PLCG2: variants seen among roughly 807,000 people sequenced by gnomAD.
PLCG2 encodes 1-phosphatidylinositol 4,5-bisphosphate phosphodiesterase gamma-2.
A neutral mutation model predicts 175.6 loss-of-function variants in PLCG2; 69 were observed. That is an observed-to-expected ratio of 0.39 (90% CI 0.32 to 0.48). The LOEUF (loss-of-function observed/expected upper bound fraction) is 0.48, where lower values mean the gene tolerates loss of function less well. Ranked by LOEUF, PLCG2 falls within the 20% of genes least tolerant of loss-of-function variation. The pLI, the probability that PLCG2 is intolerant of heterozygous loss-of-function variation, is 0.91. For missense variants in PLCG2, 1,798 were observed against 1,650.9 expected (o/e 1.09, Z -1.54); for synonymous variants, 827 against 624.0 (o/e 1.33, Z -4.85).
intron 2 of PLCG2, among the ~76,000 whole-genome samples, chr16:81,763,899 G>A (rs956091913): frequency 7.9e-5 from 12 of 152,092 alleles, no homozygotes; most frequent in Non-Finnish European, 1.3e-4. Flanking sequence ...CCCAGGAGTC[G>A]GAGGTTTCAG....
rs576113221 is a variant in PLCG2 at position 81,891,716 on chromosome 16, C to T, written c.986+126C>T. 4 of 617,796 alleles carry T rather than the reference C, an allele frequency of 6.5e-6. No individual in the cohort carries two copies. The East Asian group carries it at 8.3e-5, about 13-fold the overall frequency. The allele number at this position is 617,796 out of a possible 1,614,324, so 38.3% of individuals were successfully genotyped here. The stretch of plus-strand genomic sequence containing the variant: ...AGGTGGAGGGTGTAGCACCGCATTC[C>T]TTGGACTAAAATACACAGAAGCTTC... On this transcript the variant is annotated intron_variant, in intron 11 of 32. Transcript: ENST00000564138.
intron 15 of PLCG2, among the ~76,000 whole-genome samples, chr16:81,907,026 G>T: frequency 9.1e-6 from 1 of 109,762 alleles, no homozygotes; most frequent in African/African-American, 3.8e-5. Context: ...GAGAGAGACA[G>T]ACTCTGTCTC....
intron 31 of PLCG2, among the ~76,000 whole-genome samples, chr16:81,955,075 C>G (rs1422653880): frequency 6.6e-6 from 1 of 152,188 alleles, no homozygotes; most frequent in Non-Finnish European, 1.5e-5. Flanking sequence ...TCATTACTGA[C>G]TCTTCCCAAT....
chr16:81,936,408 C>T (rs766822571), intron 27 of PLCG2, 30 bp downstream of exon 27: 42 of 1,592,908 alleles, frequency 2.6e-5, no homozygotes, highest in Non-Finnish European at 3.5e-5. Flanking sequence ...AGTCCCGTCC[C>T]TGCAAGGTGG....
At chr16:81,827,411 A>G (rs1905089611) in intron 2 of PLCG2, among the ~76,000 whole-genome samples, 2 of 151,266 alleles carry the variant, frequency 1.3e-5, no homozygotes, top group African/African-American at 2.4e-5. Flanking sequence ...CTGATCTCGA[A>G]CTCCTAGGCT....
At chr16:81,783,844 C>T (rs1260146173) in intron 1 of PLCG2, among the ~76,000 whole-genome samples, 1 of 151,842 alleles carries the variant, frequency 6.6e-6, no homozygotes, top group Non-Finnish European at 1.5e-5. Flanking sequence ...TTTTTTTTAG[C>T]ATACTCTGTT....
At chr16:81,840,370 C>T (rs1905757137) in intron 2 of PLCG2, among the ~76,000 whole-genome samples, 1 of 152,052 alleles carries the variant, frequency 6.6e-6, no homozygotes, top group African/African-American at 2.4e-5. Flanking sequence ...GCCAGATTGG[C>T]CTGGGGGGAT....
chr16:81,771,453 ACTCTTGCTCATCC>A (rs1567455145), intron 2 of PLCG2, among the ~76,000 whole-genome samples: 1 of 152,172 alleles, frequency 6.6e-6, no homozygotes, highest in African/African-American at 2.4e-5. Flanking sequence ...CTGTTGGAGA[ACTCTTGCTCATCC>A]CTCAGGACCC....
At chr16:81,847,819 A>G (rs1208496860) in intron 2 of PLCG2, among the ~76,000 whole-genome samples, 2 of 152,234 alleles carry the variant, frequency 1.3e-5, no homozygotes, top group African/African-American at 2.4e-5. Context: ...AGGGATGTGC[A>G]TAGGCTGTAT....
At chr16:81,782,365 A>C (rs891845559) in intron 1 of PLCG2, among the ~76,000 whole-genome samples, 10 of 152,246 alleles carry the variant, frequency 6.6e-5, no homozygotes, top group Non-Finnish European at 1.5e-4. Context: ...AAACAGGAAC[A>C]AAAAAGGGAT....
At chr16:81,786,701 C>G (rs1043705394) in intron 2 of PLCG2, among the ~76,000 whole-genome samples, 3 of 152,192 alleles carry the variant, frequency 2.0e-5, no homozygotes, top group Admixed American at 6.5e-5. Flanking sequence ...AGGTGTCCCT[C>G]CTCCCCTACC....
At chr16:81,822,010 A>G (rs1904821305) in intron 2 of PLCG2, among the ~76,000 whole-genome samples, 1 of 152,158 alleles carries the variant, frequency 6.6e-6, no homozygotes, top group Non-Finnish European at 1.5e-5. Flanking sequence ...TGTGTTAACT[A>G]GGGAAGATGA....
At chr16:81,934,393 C>A in intron 25 of PLCG2, 36 bp from the exon 26 acceptor site, 1 of 1,322,100 alleles carries the variant, frequency 7.6e-7, no homozygotes, top group Non-Finnish European at 1.1e-6. Context: ...TGGGATTTCT[C>A]GGGGGCGGGC....
chr16:81,944,596 C>A, intron 30 of PLCG2, among the ~76,000 whole-genome samples: 1 of 152,182 alleles, frequency 6.6e-6, no homozygotes. Flanking sequence ...TTCCTAGTAG[C>A]TGGGACTACA....
intron 3 of PLCG2, among the ~76,000 whole-genome samples, chr16:81,855,338 G>A (rs955607462): frequency 6.6e-6 from 1 of 152,032 alleles, no homozygotes; most frequent in Non-Finnish European, 1.5e-5. Flanking sequence ...TTTACTCAGG[G>A]GCAGAAGCTT....
At chr16:81,830,478 T>G (rs1390322094) in intron 2 of PLCG2, among the ~76,000 whole-genome samples, 1 of 152,082 alleles carries the variant, frequency 6.6e-6, no homozygotes, top group Admixed American at 6.6e-5. Context: ...GGCTAATTTT[T>G]GTATTTTTAT....
At chr16:81,784,072 A>G (rs924152276) in intron 1 of PLCG2, among the ~76,000 whole-genome samples, 7 of 152,190 alleles carry the variant, frequency 4.6e-5, no homozygotes, top group Non-Finnish European at 1.0e-4. Flanking sequence ...TAACTACATT[A>G]GAATTCTCAG....
In PLCG2 at chr16:81,822,769, A is replaced by AAAAAAAG. The variant is rs1386622053; in HGVS notation, c.194-31669_194-31668insGAAAAAA. 3.3e-4 allele frequency among the ~76,000 whole-genome samples: 49 copies of AAAAAAAG among 148,532 alleles called. 1 individual carries two copies. The highest frequency in any genetic ancestry group is 6.9e-3 in the Middle Eastern group (2 of 290). ...AGAGCGAGACTCCATCTCAAAAAAA[A>AAAAAAAG]AAAAAAAAAAAAGAAAAAGGCAGGA... is the stretch of plus-strand genomic sequence containing the variant. On this transcript the variant is annotated intron_variant, in intron 2 of 32. Coordinates refer to ENST00000564138, the MANE Select transcript of PLCG2 (RefSeq NM_002661.5).
chr16:81,882,538 G>A (rs56018718), intron 8 of PLCG2, among the ~76,000 whole-genome samples: 3,930 of 152,058 alleles, frequency 0.026, 175 homozygotes, highest in African/African-American at 0.09. Context: ...GTGGTGTGTC[G>A]AGCCCTGTCT....
Sources: gnomAD v4.1 joint callset for allele counts (sites outside exome capture counted in the v4.1 genomes callset) on GRCh38, gnomAD v4.1.1 for gene constraint, MANE v1.5 for transcripts, NCBI Gene and HGNC (gene_info 2026-07-23, HGNC 2026-07-21) for gene names.